ITGA2B: variants seen among roughly 807,000 people sequenced by gnomAD.
The protein encoded by ITGA2B is integrin subunit alpha 2b.
Under a neutral mutation model 142.0 loss-of-function variants are expected in ITGA2B, and 91 were observed. The observed-to-expected ratio is 0.64, with a 90% CI of 0.54 to 0.76. The LOEUF is 0.76. ITGA2B is among the 30% of genes least tolerant of loss of function. The probability of loss-of-function intolerance (pLI) is 0.00; values close to 1 mark genes in which losing one functional copy is unlikely to be tolerated. For synonymous variants in ITGA2B, 536 were observed against 567.2 expected (o/e 0.94, Z 0.78); for missense variants, 1,231 against 1,350.8 (o/e 0.91, Z 1.39).
chr17:44,373,068 G>A (rs980320721), intron 29 of ITGA2B, among the ~76,000 whole-genome samples: 1 of 151,964 alleles, frequency 6.6e-6, no homozygotes, highest in Admixed American at 6.6e-5. Flanking sequence ...AAACTTTTTT[G>A]TAGAGATGGA....
At chr17:44,377,214 G>A (rs1177086539) in intron 21 of ITGA2B, 126 bp from the exon 22 acceptor site, 6 of 733,898 alleles carry the variant, frequency 8.2e-6, no homozygotes, top group Admixed American at 2.2e-5. Flanking sequence ...TTTTTTTTCC[G>A]AGACGGAGTC....
rs1423193492 is a variant in ITGA2B at position 44,383,683 on chromosome 17, G to A, written c.1020C>T (p.Gly340=). 1.3e-6 allele frequency: 2 copies of A among 1,583,178 alleles called. No individual in the cohort carries two copies. The highest frequency in any genetic ancestry group is 1.1e-5 in the South Asian group (1 of 86,980). Residue 340 remains glycine, a synonymous_variant, in exon 12 of 30, where the codon GGC becomes GGT. Transcript: ENST00000262407. ...CCCGGCTCTCCATATACAGTGGAGC[G>A]CCCACCAGCAGATCATGCCTCCTGT... The part of the protein sequence containing the change: ...NGDGRHDLLV[G]APLYMESRAD...
At chr17:44,374,829 C>T (rs1778290358) in intron 27 of ITGA2B, 69 bp from the exon 28 acceptor site, 2 of 1,427,622 alleles carry the variant, frequency 1.4e-6, no homozygotes, top group Non-Finnish European at 2.0e-6. Context: ...GTCCAGGTCC[C>T]ACACCCCCGG....
At chr17:44,387,274 G>A (rs2048657383) in intron 1 of ITGA2B, among the ~76,000 whole-genome samples, 1 of 152,160 alleles carries the variant, frequency 6.6e-6, no homozygotes, top group Admixed American at 6.5e-5. Flanking sequence ...TGTAATCCCA[G>A]TACTTTGGGA....
chr17:44,389,256 C>A, intron 1 of ITGA2B, 30 bp downstream of exon 1: 1 of 1,612,368 alleles, frequency 6.2e-7, no homozygotes, highest in South Asian at 1.1e-5. Flanking sequence ...CCTGCTCTCT[C>A]CCAATACCCC....
Position 44,376,150 on chromosome 17 carries a change from C to T in ITGA2B, c.2383G>A (p.Glu795Lys), listed in dbSNP as rs1315028070. The change falls in exon 24 of 30, where the codon GAA (glutamate) becomes AAA (lysine). Residue 795 changes from glutamate (E) to lysine (K), a missense_variant. Transcript: ENST00000262407. ...CTGTTCTGCTCCCTCTCACCTTCTTCTGCTGCCACCACCAGGGAGGCTGGA... is the reference window on the plus strand; with the variant it reads ...CTGTTCTGCTCCCTCTCACCTTCTTTTGCTGCCACCACCAGGGAGGCTGGA... ...SFPASLVVAA[E>K]EGEREQNSLD... The T allele has an allele frequency of 6.2e-7, 1 of 1,614,090 alleles. No homozygotes were observed. Among genetic ancestry groups the T allele is most frequent in the African/African-American group, 1.3e-5 (1 of 74,922 alleles).
rs939473741 is a variant in ITGA2B at position 44,381,051 on chromosome 17, C to T, written c.1221G>A (p.Val407=). 2 of 1,613,444 alleles carry T rather than the reference C, an allele frequency of 1.2e-6. No individual in the cohort carries two copies. The highest frequency in any genetic ancestry group is 1.7e-6 in the Non-Finnish European group (2 of 1,179,700). Residue 407 remains valine, a synonymous_variant, in exon 13 of 30, where the codon GTG becomes GTA. Coordinates refer to ENST00000262407, the MANE Select transcript of ITGA2B (RefSeq NM_000419.5). ...CACTGGGACCCCCGTAGGGGGCAGC[C>T]ACTGCAATGTCTGGAAGGAGTAACA... is the stretch of plus-strand genomic sequence containing the variant. ...LDRDGYNDIA[V]AAPYGGPSGR... is the part of the protein sequence containing the mutation.
chr17:44,374,600 C>G, intron 28 of ITGA2B, 59 bp downstream of exon 28: 17 of 1,555,526 alleles, frequency 1.1e-5, no homozygotes, highest in Non-Finnish European at 1.4e-5. Context: ...TGGCTGGGCA[C>G]TGACTGGGGG....
At chr17:44,375,219 G>T in intron 26 of ITGA2B, 108 bp from the exon 27 acceptor site, 1 of 921,028 alleles carries the variant, frequency 1.1e-6, no homozygotes, top group Admixed American at 2.0e-5. Context: ...GGTTCAGGAA[G>T]CGGTGGCCTT....
intron 18 of ITGA2B, 116 bp from the exon 19 acceptor site, chr17:44,378,826 A>T: frequency 1.2e-6 from 1 of 868,190 alleles, no homozygotes; most frequent in Non-Finnish European, 1.9e-6. Context: ...GGGAGTAAGA[A>T]GATCTGAGGA....
In ITGA2B at chr17:44,375,620, G is replaced by T. The variant is rs942321651; in HGVS notation, c.2698C>A (p.Pro900Thr). ...RQIFLPEPEQ[P>T]SRLQDPVLVS... ...AGAACTGGATCCTGAAGCCTCGAGG[G>T]CTGCTCGGGCTCTGGCAGGAAGATC... The change falls in exon 26 of 30, where the codon CCC becomes ACC. Residue 900 changes from proline to threonine, a missense_variant. Coordinates refer to ENST00000262407, the MANE Select transcript of ITGA2B (RefSeq NM_000419.5). The T allele has an allele frequency of 6.2e-7, 1 of 1,613,982 alleles. No homozygotes were observed. The highest frequency in any genetic ancestry group is 8.5e-7 in the Non-Finnish European group (1 of 1,179,984).
Position 44,386,280 on chromosome 17 carries a change from A to G in ITGA2B, c.189-149T>C. ...GACACCTCACAGACCACCGTGATGT[A>G]CTTCTTCATCTTATGGACAGTGAAA... On this transcript the variant is annotated intron_variant, in intron 1 of 29. Transcript: ENST00000262407. The G allele has an allele frequency of 1.6e-6, 2 of 1,250,768 alleles. 1 individual carries two copies. Among genetic ancestry groups the G allele is most frequent in the South Asian group, 2.7e-5 (2 of 73,786 alleles). The allele number at this position is 1,250,768 out of a possible 1,614,324, so 77.5% of individuals were successfully genotyped here.
chr17:44,388,819 T>TTC (rs2048673340), intron 1 of ITGA2B, among the ~76,000 whole-genome samples: 1 of 98,542 alleles, frequency 1.0e-5, no homozygotes, highest in East Asian at 2.4e-4. Context: ...GCCTGGTCTC[T>TTC]TTTTTTTTTT....
intron 29 of ITGA2B, among the ~76,000 whole-genome samples, chr17:44,372,631 A>C (rs748842274): frequency 9.2e-5 from 14 of 151,644 alleles, no homozygotes; most frequent in African/African-American, 3.2e-4. Flanking sequence ...CTGAGTTTTT[A>C]TTTTTTTCTT....
In ITGA2B at chr17:44,385,817, G is replaced by A. The variant is rs1361717030; in HGVS notation, c.408+7C>T. The A allele has an allele frequency of 4.4e-6, 7 of 1,604,822 alleles. No homozygotes were observed. The highest frequency in any genetic ancestry group is 5.1e-6 in the Non-Finnish European group (6 of 1,175,428). Reference sequence around the variant, plus strand: ...TTGTTCCCTGTGCCCTGTACCGCGGGGCCCACCACAATGACGTCGCTCCAG... The same window carrying A: ...TTGTTCCCTGTGCCCTGTACCGCGGAGCCCACCACAATGACGTCGCTCCAG... On this transcript the variant is annotated splice_region_variant and intron_variant, in intron 3 of 29. Transcript: ENST00000262407.
chr17:44,378,514 G>A lies in ITGA2B; in HGVS notation c.1947-5C>T, dbSNP rs1488396435. On this transcript the variant is annotated splice_polypyrimidine_tract_variant and splice_region_variant and intron_variant, in intron 19 of 29. Transcript: ENST00000262407. ...ACTAGGAGCGGGGAGCCCGTCCTGTGGGGAAAGAGGAGTGAAGCCAGGGAG... is the reference window on the plus strand; with the variant it reads ...ACTAGGAGCGGGGAGCCCGTCCTGTAGGGAAAGAGGAGTGAAGCCAGGGAG... 1 of 1,613,554 alleles carries A rather than the reference G, an allele frequency of 6.2e-7. No homozygotes were observed. Among genetic ancestry groups the A allele is most frequent in the Non-Finnish European group, 8.5e-7 (1 of 1,179,846 alleles).
chr17:44,376,295 C>G lies in ITGA2B; in HGVS notation c.2348+13G>C. The G allele has an allele frequency of 6.2e-7, 1 of 1,614,172 alleles. No homozygotes were observed. Among genetic ancestry groups the G allele is most frequent in the Non-Finnish European group, 8.5e-7 (1 of 1,180,022 alleles). ...CTGAATGCCATCTCCCTTCTCCACCCCTGGCCTCTCACCCTCGCAGCTCCA... is the reference window on the plus strand; with the variant it reads ...CTGAATGCCATCTCCCTTCTCCACCGCTGGCCTCTCACCCTCGCAGCTCCA... On this transcript the variant is annotated intron_variant, in intron 23 of 29. Transcript: ENST00000262407.
chr17:44,385,402 G>T (rs2048637100), intron 4 of ITGA2B, 67 bp from the exon 5 acceptor site: 2 of 1,565,634 alleles, frequency 1.3e-6, no homozygotes, highest in Non-Finnish European at 1.7e-6. Flanking sequence ...CCGGAGGAGG[G>T]CTGGGGGACA....
In ITGA2B at chr17:44,383,908, G is replaced by T. The variant is rs776716953; in HGVS notation, c.984C>A (p.Asp328Glu). Residue 328 changes from aspartate to glutamate, a missense_variant, in exon 11 of 30, where the codon GAC (aspartate) becomes GAA (glutamate). Asp to Glu is a conservative substitution (Grantham distance 45). This residue lies in a region of ITGA2B where 908 missense variants were observed against 1,021.1 expected (regional missense o/e 0.89). Coordinates refer to ENST00000262407, the MANE Select transcript of ITGA2B (RefSeq NM_000419.5). Reference sequence around the variant, plus strand: ...TCCCTCCTCACCCATCCCCGTTGACGTCAGTGACAGCCACTGAATGCCCAA... The same window carrying T: ...TCCCTCCTCACCCATCCCCGTTGACTTCAGTGACAGCCACTGAATGCCCAA... ...SYFGHSVAVT[D>E]VNGDGRHDLL... 2 of 1,613,966 alleles carry T rather than the reference G, an allele frequency of 1.2e-6. No individual in the cohort carries two copies. Among genetic ancestry groups the T allele is most frequent in the East Asian group, 2.2e-5 (1 of 44,874 alleles).
Sources: allele counts gnomAD v4.1 joint callset (sites outside exome capture counted in the v4.1 genomes callset), GRCh38; gene constraint gnomAD v4.1.1; regional missense constraint gnomAD v4.1.1; transcripts MANE v1.5; gene names NCBI Gene and HGNC (gene_info 2026-07-23, HGNC 2026-07-21).